SH3KBP1: variants seen among roughly 807,000 people sequenced by gnomAD.
SH3KBP1 encodes the protein SH3 domain containing kinase binding protein 1, also known as SH3 domain-containing kinase-binding protein 1.
SH3KBP1 carries 8 observed loss-of-function variants against 50.1 expected under a neutral mutation model. The ratio of observed to expected loss-of-function variants is 0.16; its 90% CI spans 0.09 to 0.29. SH3KBP1 has a LOEUF of 0.29. Among genes scored for constraint, SH3KBP1 ranks in the 10% least tolerant of loss-of-function variants. The pLI, the probability that SH3KBP1 is intolerant of heterozygous loss-of-function variation, is 1.00. For missense variants in SH3KBP1, 377 were observed against 535.2 expected (o/e 0.70, Z 2.92); for synonymous variants, 227 against 218.6 (o/e 1.04, Z -0.34).
chrX:19,703,545 A>G (rs767279273), intron 4 of SH3KBP1, among the ~76,000 whole-genome samples: 7 of 111,938 alleles, frequency 6.3e-5, no homozygotes, highest in Admixed American at 9.4e-5. Context: ...ATGATGAATG[A>G]ATATTCATTT....
At chrX:19,846,036 T>A (rs1477318152) in intron 1 of SH3KBP1, among the ~76,000 whole-genome samples, 1 of 111,690 alleles carries the variant, frequency 9.0e-6, no homozygotes, top group Non-Finnish European at 1.9e-5. Context: ...TCTCCTGAGC[T>A]ACTAGGCACA....
chrX:19,640,747 CA>C (rs2061836890), intron 7 of SH3KBP1, among the ~76,000 whole-genome samples: 1 of 111,564 alleles, frequency 9.0e-6, no homozygotes, highest in South Asian at 3.7e-4. Flanking sequence ...ACTCCCTTTG[CA>C]AATCCCGCTC....
At chrX:19,751,926 C>T (rs2065077592) in intron 2 of SH3KBP1, among the ~76,000 whole-genome samples, 1 of 112,421 alleles carries the variant, frequency 8.9e-6, no homozygotes, top group Non-Finnish European at 1.9e-5. Flanking sequence ...AGCTGCGTTG[C>T]CTGGATCTGG....
intron 2 of SH3KBP1, among the ~76,000 whole-genome samples, chrX:19,781,805 G>A (rs1486037816): frequency 9.0e-6 from 1 of 111,430 alleles, no homozygotes; most frequent in Non-Finnish European, 1.9e-5. Flanking sequence ...AACTGGGTAT[G>A]TTTACTAAAA....
chrX:19,874,068 A>AAAATATATATAT (rs1491537486), intron 1 of SH3KBP1, among the ~76,000 whole-genome samples: 12 of 57,031 alleles, frequency 2.1e-4, no homozygotes, highest in African/African-American at 1.9e-3. Flanking sequence ...AAAAAAAAAA[A>AAAATATATATAT]ATATATATAT....
intron 2 of SH3KBP1, among the ~76,000 whole-genome samples, chrX:19,793,593 C>T (rs769950047): frequency 5.3e-4 from 59 of 110,813 alleles, no homozygotes; most frequent in Non-Finnish European, 9.4e-4. Context: ...AAGCACCATG[C>T]ACATGTGAAT....
intron 5 of SH3KBP1, chrX:19,694,976 G>C (rs774087553): frequency 2.5e-6 from 3 of 1,180,960 alleles, no homozygotes; most frequent in Non-Finnish European, 3.4e-6. Context: ...CTGGGAGAAC[G>C]AAGTTTCCCG....
chrX:19,604,529 G>A (rs776586545), intron 9 of SH3KBP1, among the ~76,000 whole-genome samples: 2 of 112,109 alleles, frequency 1.8e-5, no homozygotes, highest in South Asian at 3.7e-4. Context: ...ATCACAGATC[G>A]TCCTCTTTTC....
intron 1 of SH3KBP1, among the ~76,000 whole-genome samples, chrX:19,860,907 A>G (rs1452877850): frequency 8.9e-6 from 1 of 111,857 alleles, no homozygotes; most frequent in African/African-American, 3.3e-5. Flanking sequence ...AGTATTTAGC[A>G]TATAGCATTT....
Sources: allele counts gnomAD v4.1 joint callset (sites outside exome capture counted in the v4.1 genomes callset), GRCh38; gene constraint gnomAD v4.1.1; transcripts MANE v1.5; gene names NCBI Gene and HGNC (gene_info 2026-07-23, HGNC 2026-07-21).